The following TTC12 variants were observed in gnomAD, a reference collection of about 807,000 sequenced individuals.
The protein encoded by TTC12 is tetratricopeptide repeat domain 12, also known as tetratricopeptide repeat protein 12.
A neutral mutation model predicts 90.1 loss-of-function variants in TTC12; 70 were observed. The ratio of observed to expected loss-of-function variants is 0.78; its 90% CI spans 0.64 to 0.95. The LOEUF is 0.95. Ranked by LOEUF, TTC12 falls within the 40% of genes least tolerant of loss-of-function variation. TTC12 has a pLI of 0.00. For missense variants in TTC12, 819 were observed against 846.1 expected (o/e 0.97, Z 0.40); for synonymous variants, 296 against 311.5 (o/e 0.95, Z 0.53).
intron 21 of TTC12, 93 bp downstream of exon 21, chr11:113,365,153 A>G (rs1271840559): frequency 1.3e-5 from 15 of 1,121,676 alleles, no homozygotes; most frequent in Non-Finnish European, 2.0e-5. Flanking sequence ...TGCCACACAG[A>G]ACAGTGTGGG....
At chr11:113,367,182 A>G (rs1950245182), downstream of TTC12, among the ~76,000 whole-genome samples, 1 of 152,206 alleles carries the variant, frequency 6.6e-6, no homozygotes, top group African/African-American at 2.4e-5. Flanking sequence ...TTACAATCAC[A>G]GAATCATTTT....
In TTC12 at chr11:113,362,517, T is replaced by C; in HGVS notation, c.1716+15T>C. ...AATTCCTGAAGGTAAGATCACTTTA[T>C]TGGTTACAACCCCTGAAATGTACAG... On this transcript the variant is annotated intron_variant, in intron 19 of 21. Transcript: ENST00000529221. 6.5e-7 allele frequency: 1 copy of C among 1,543,114 alleles called. No individual in the cohort carries two copies. The highest frequency in any genetic ancestry group is 1.1e-5 in the South Asian group (1 of 89,660).
chr11:113,370,769 C>T (rs915177792), downstream of TTC12, among the ~76,000 whole-genome samples: 1 of 152,208 alleles, frequency 6.6e-6, no homozygotes, highest in African/African-American at 2.4e-5. Flanking sequence ...GAGCAGGGCT[C>T]CTGTCACCAG....
At chr11:113,350,329 A>T (rs933700081) in intron 14 of TTC12, among the ~76,000 whole-genome samples, 164 bp downstream of exon 14, 3 of 152,154 alleles carry the variant, frequency 2.0e-5, no homozygotes. Context: ...GGCTGCAGCC[A>T]CCCACTCCCA....
downstream of TTC12, among the ~76,000 whole-genome samples, chr11:113,370,975 C>CG (rs2138101512): frequency 6.6e-6 from 1 of 152,298 alleles, no homozygotes; most frequent in African/African-American, 2.4e-5. Flanking sequence ...CACACCCCCA[C>CG]ACACACGGAA....
intron 16 of TTC12, among the ~76,000 whole-genome samples, chr11:113,355,822 T>C (rs1486158041): frequency 6.6e-6 from 1 of 152,130 alleles, no homozygotes; most frequent in Non-Finnish European, 1.5e-5. Context: ...GTGTTAAGAT[T>C]TCAGTTATTT....
At chr11:113,362,812 G>A (rs1258466213) in intron 19 of TTC12, among the ~76,000 whole-genome samples, 1 of 152,180 alleles carries the variant, frequency 6.6e-6, no homozygotes, top group African/African-American at 2.4e-5. Context: ...GTGGCTTTCT[G>A]TAACGTTTCT....
In TTC12 at chr11:113,339,177, A is replaced by G. The variant is rs1591563150; in HGVS notation, c.638-109A>G. ...AGAGTTTTAATTATTTTAATGCTTTATGCTTCTCAAACTCCCATCCTCAAA... is the reference window on the plus strand; with the variant it reads ...AGAGTTTTAATTATTTTAATGCTTTGTGCTTCTCAAACTCCCATCCTCAAA... On this transcript the variant is annotated intron_variant, in intron 9 of 21. Transcript: ENST00000529221. The G allele has an allele frequency of 3.4e-6, 3 of 872,316 alleles. 1 individual carries two copies. The South Asian group carries it at 5.6e-5, about 16-fold the overall frequency. 54.0% of individuals were successfully genotyped at this position (872,316 alleles called of 1,614,324 possible).
chr11:113,323,205 T>C lies in TTC12; in HGVS notation c.59-83T>C. The stretch of plus-strand genomic sequence containing the variant: ...ATTTTTTTCTTTAAGATCTTTCCCA[T>C]GCATTTTATGCACCATCCTTTCTAG... On this transcript the variant is annotated intron_variant, in intron 2 of 21. Transcript: ENST00000529221. 1.8e-6 allele frequency: 2 copies of C among 1,110,676 alleles called. 1 individual carries two copies. Among genetic ancestry groups the C allele is most frequent in the Non-Finnish European group, 2.4e-6 (2 of 827,224 alleles). The allele number at this position is 1,110,676 out of a possible 1,614,324, so 68.8% of individuals were successfully genotyped here. A position where few individuals can be genotyped will look rare whatever the true frequency, so the allele number is the denominator to read the frequency against.
intron 16 of TTC12, among the ~76,000 whole-genome samples, 168 bp from the exon 17 acceptor site, chr11:113,359,195 C>A (rs138502406): frequency 6.6e-6 from 1 of 151,470 alleles, no homozygotes; most frequent in African/African-American, 2.4e-5. Flanking sequence ...TCTCCTGGAC[C>A]AACACTAACT....
intron 2 of TTC12, among the ~76,000 whole-genome samples, chr11:113,318,832 A>T (rs1312371490): frequency 6.6e-6 from 1 of 152,162 alleles, no homozygotes; most frequent in Non-Finnish European, 1.5e-5. Flanking sequence ...TGGAAAGAAG[A>T]GATCAAGGAG....
intron 16 of TTC12, among the ~76,000 whole-genome samples, chr11:113,353,526 A>G (rs1555151251): frequency 6.6e-6 from 1 of 152,164 alleles, no homozygotes; most frequent in Non-Finnish European, 1.5e-5. Context: ...CTTTGTCATG[A>G]AATCTTTGCT....
At chr11:113,332,749 A>G (rs954533612) in intron 7 of TTC12, among the ~76,000 whole-genome samples, 4 of 152,162 alleles carry the variant, frequency 2.6e-5, no homozygotes, top group Admixed American at 1.3e-4. Flanking sequence ...GCCTTTTGAT[A>G]GTCTTGATGT....
chr11:113,369,348 T>G (rs536520175), downstream of TTC12, among the ~76,000 whole-genome samples: 4 of 152,226 alleles, frequency 2.6e-5, no homozygotes, highest in East Asian at 7.7e-4. Context: ...CTCGAACTCC[T>G]GACCTCAAGT....
intron 1 of TTC12, chr11:113,315,153 C>CT (rs3834454): frequency 0.43 from 65,976 of 152,196 alleles, 14,528 homozygotes; most frequent in Admixed American, 0.46. Flanking sequence ...GGAAGAAACC[C>CT]TAGCGATTAT....
Position 113,364,950 on chromosome 11 carries a change from G to C in TTC12, c.1932G>C (p.Lys644Asn). The C allele has an allele frequency of 1.2e-6, 2 of 1,614,208 alleles. No individual in the cohort carries two copies. ...CCAACGTTGCGTCTTCCCTGCTAAA[G>C]ACGGACCTTTTGCAGGTCTTGTTAA... ...EVPNVASSLLKTDLLQVLLKL... is the reference protein window; with the variant it reads ...EVPNVASSLLNTDLLQVLLKL... The change falls in exon 21 of 22, where the codon AAG becomes AAC. Residue 644 changes from lysine to asparagine, a missense_variant. Transcript: ENST00000529221.
At chr11:113,326,773 G>A (rs1202038567) in intron 6 of TTC12, among the ~76,000 whole-genome samples, 1 of 152,180 alleles carries the variant, frequency 6.6e-6, no homozygotes, top group Non-Finnish European at 1.5e-5. Flanking sequence ...TGATTTAGCA[G>A]TACATTGCAT....
At chr11:113,324,467 G>C in intron 4 of TTC12, 138 bp from the exon 5 acceptor site, 1 of 615,954 alleles carries the variant, frequency 1.6e-6, no homozygotes, top group South Asian at 2.1e-5. Context: ...AGTTGCCTCA[G>C]AATGGTGTGT....
chr11:113,346,642 A>G (rs3781884), intron 13 of TTC12, among the ~76,000 whole-genome samples: 26,695 of 151,248 alleles, frequency 0.18, 2,860 homozygotes, highest in East Asian at 0.45. Flanking sequence ...GTCACATGCT[A>G]CCCCTAGTGG....
Sources: gnomAD v4.1 joint callset for allele counts (sites outside exome capture counted in the v4.1 genomes callset) on GRCh38, gnomAD v4.1.1 for gene constraint, MANE v1.5 for transcripts, NCBI Gene and HGNC (gene_info 2026-07-23, HGNC 2026-07-21) for gene names.